Variants in NOS1AP observed in about 807,000 individuals in gnomAD.
The protein encoded by NOS1AP is carboxyl-terminal PDZ ligand of neuronal nitric oxide synthase protein.
Under a neutral mutation model 56.2 loss-of-function variants are expected in NOS1AP, and 21 were observed. The observed-to-expected ratio is 0.37, with a 90% confidence interval of 0.26 to 0.54. The LOEUF (loss-of-function observed/expected upper bound fraction) is 0.54, where lower values mean the gene tolerates loss of function less well. Among genes scored for constraint, NOS1AP ranks in the 20% least tolerant of loss-of-function variants. The pLI is 0.84. For missense variants in NOS1AP, 522 were observed against 657.8 expected (o/e 0.79, Z 2.26); for synonymous variants, 270 against 274.6 (o/e 0.98, Z 0.17).
chr1:162,121,511 GAT>G (rs1648233003), intron 1 of NOS1AP, among the ~76,000 whole-genome samples: 1 of 152,136 alleles, frequency 6.6e-6, no homozygotes, highest in Non-Finnish European at 1.5e-5. Flanking sequence ...GGTAGTGACA[GAT>G]ATGGCATCTC....
At chr1:162,217,173 A>G (rs1053825033) in intron 2 of NOS1AP, among the ~76,000 whole-genome samples, 1 of 151,194 alleles carries the variant, frequency 6.6e-6, no homozygotes, top group Non-Finnish European at 1.5e-5. Context: ...AAACAAGCCT[A>G]TACGACTCAA....
At chr1:162,361,939 G>C (rs779205823) in intron 8 of NOS1AP, among the ~76,000 whole-genome samples, 1 of 152,212 alleles carries the variant, frequency 6.6e-6, no homozygotes, top group Non-Finnish European at 1.5e-5. Context: ...TTAACAAATT[G>C]CCTCCAGTAC....
At chr1:162,207,316 C>T (rs776799026) in intron 2 of NOS1AP, among the ~76,000 whole-genome samples, 2 of 152,200 alleles carry the variant, frequency 1.3e-5, no homozygotes, top group African/African-American at 4.8e-5. Context: ...CGTCTACCCA[C>T]GCGACACCTC....
At chr1:162,167,998 C>CAAA (rs33932029) in intron 2 of NOS1AP, among the ~76,000 whole-genome samples, 27,010 of 138,992 alleles carry the variant, frequency 0.19, 2,888 homozygotes, top group East Asian at 0.35. Flanking sequence ...AGTGGCTAGT[C>CAAA]AAAAAAAAAA....
At chr1:162,283,177 A>G (rs749453029) in intron 2 of NOS1AP, among the ~76,000 whole-genome samples, 1 of 151,580 alleles carries the variant, frequency 6.6e-6, no homozygotes, top group Admixed American at 6.6e-5. Context: ...TATATATAAT[A>G]TATGTTAAAA....
intron 2 of NOS1AP, among the ~76,000 whole-genome samples, chr1:162,264,819 T>G (rs1450336970): frequency 7.4e-5 from 11 of 149,528 alleles, no homozygotes; most frequent in African/African-American, 2.7e-4. Flanking sequence ...CCCGACCTTT[T>G]TTTTTTTTTT....
At chr1:162,217,317 G>C (rs1652611130) in intron 2 of NOS1AP, among the ~76,000 whole-genome samples, 1 of 106,946 alleles carries the variant, frequency 9.4e-6, no homozygotes, top group Non-Finnish European at 1.8e-5. Context: ...AGGCTGGAGT[G>C]CAATGGCACG....
At chr1:162,360,812 T>C (rs887614016) in intron 8 of NOS1AP, 9 of 456,390 alleles carry the variant, frequency 2.0e-5, no homozygotes, top group Non-Finnish European at 1.8e-5. Flanking sequence ...CTGTGTCCAG[T>C]GTGTGGTGGG....
chr1:162,087,352 G>A (rs553224808), intron 1 of NOS1AP, among the ~76,000 whole-genome samples: 4 of 152,102 alleles, frequency 2.6e-5, no homozygotes, highest in Non-Finnish European at 5.9e-5. Flanking sequence ...CATTGGATGT[G>A]CCATGTGGGA....
chr1:162,177,594 T>C (rs1389348946), intron 2 of NOS1AP, among the ~76,000 whole-genome samples: 1 of 152,250 alleles, frequency 6.6e-6, no homozygotes, highest in Non-Finnish European at 1.5e-5. Context: ...TGAGTTTGCC[T>C]ACTCTTTTTA....
At chr1:162,213,151 T>G (rs1652429968) in intron 2 of NOS1AP, among the ~76,000 whole-genome samples, 1 of 152,116 alleles carries the variant, frequency 6.6e-6, no homozygotes, top group Non-Finnish European at 1.5e-5. Context: ...CCCAGGTAAC[T>G]TGAACACCCT....
At chr1:162,162,694 A>C (rs1475304526) in intron 2 of NOS1AP, among the ~76,000 whole-genome samples, 1 of 152,102 alleles carries the variant, frequency 6.6e-6, no homozygotes, top group South Asian at 2.1e-4. Context: ...TTAATTTATA[A>C]ATTTATGTAA....
chr1:162,193,452 A>G (rs1196959940), intron 2 of NOS1AP, among the ~76,000 whole-genome samples: 2 of 152,196 alleles, frequency 1.3e-5, no homozygotes, highest in African/African-American at 2.4e-5. Flanking sequence ...TCTAAGAGAT[A>G]AAGTGGGAAT....
intron 1 of NOS1AP, among the ~76,000 whole-genome samples, chr1:162,103,213 G>T (rs955582159): frequency 6.6e-6 from 1 of 152,046 alleles, no homozygotes; most frequent in Admixed American, 6.6e-5. Flanking sequence ...TCAGGAACAG[G>T]TTGTTCAATT....
chr1:162,154,519 G>C (rs758914748), intron 2 of NOS1AP, 43 bp downstream of exon 2: 17 of 1,596,684 alleles, frequency 1.1e-5, no homozygotes, highest in Middle Eastern at 1.7e-4. Context: ...GGAGTCAAGT[G>C]CCTTAGCTGC....
rs549576083 is a variant in NOS1AP, at chr1:162,290,934, T to C, written c.270+3498T>C. Among the ~76,000 whole-genome samples, 6 of 152,242 alleles carry C rather than the reference T, an allele frequency of 3.9e-5. No homozygotes were observed. In the South Asian group the frequency reaches 1.2e-3, roughly 32 times the overall value. ...TTTAACTTTTCTAGCTCGGATACTCTGTGCCAGCTCTGGAACCATGCTTTT... is the reference window on the plus strand; with the variant it reads ...TTTAACTTTTCTAGCTCGGATACTCCGTGCCAGCTCTGGAACCATGCTTTT... On this transcript the variant is annotated intron_variant, in intron 3 of 9. Transcript: ENST00000361897.
intron 4 of NOS1AP, among the ~76,000 whole-genome samples, chr1:162,329,005 G>T: frequency 7.2e-6 from 1 of 139,096 alleles, no homozygotes; most frequent in Non-Finnish European, 1.5e-5. Flanking sequence ...GAGAAGGGGG[G>T]TATTGGTGGT....
At chr1:162,282,756 G>A (rs80097522) in intron 2 of NOS1AP, among the ~76,000 whole-genome samples, 3,716 of 152,250 alleles carry the variant, frequency 0.024, 68 homozygotes, top group Non-Finnish European at 0.037. Context: ...TGCAAGAAGC[G>A]AAGCTCCAAA....
chr1:162,199,595 C>CGTGTGTGTGTGT (rs58625856), intron 2 of NOS1AP, among the ~76,000 whole-genome samples: 2 of 131,588 alleles, frequency 1.5e-5, no homozygotes, highest in Non-Finnish European at 3.2e-5. Flanking sequence ...GCATGGATTG[C>CGTGTGTGTGTGT]GTGTGTGTGT....
Sources: allele counts gnomAD v4.1 joint callset (sites outside exome capture counted in the v4.1 genomes callset), GRCh38; gene constraint gnomAD v4.1.1; transcripts MANE v1.5; gene names NCBI Gene and HGNC (gene_info 2026-07-23, HGNC 2026-07-21).